The following CEP89 variants were observed in gnomAD, a reference collection of about 807,000 sequenced individuals.
CEP89 encodes the protein centrosomal protein 89.
A neutral mutation model predicts 97.6 loss-of-function variants in CEP89; 95 were observed. That is an observed-to-expected ratio of 0.97 (90% CI 0.82 to 1.15). The LOEUF (loss-of-function observed/expected upper bound fraction) is 1.15, where lower values mean the gene tolerates loss of function less well. CEP89 is among the 50% of genes most tolerant of loss of function. The pLI, the probability that CEP89 is intolerant of heterozygous loss-of-function variation, is 0.00. For missense variants in CEP89, 869 were observed against 947.7 expected (o/e 0.92, Z 1.09); for synonymous variants, 354 against 349.1 (o/e 1.01, Z -0.16).
intron 11 of CEP89, 70 bp downstream of exon 11, chr19:32,926,119 GT>G: frequency 9.1e-7 from 1 of 1,103,698 alleles, no homozygotes; most frequent in South Asian, 1.3e-5. Flanking sequence ...CATTCAAAAT[GT>G]TTTTATAAAA....
At chr19:32,926,315 T>C in intron 10 of CEP89, 42 bp from the exon 11 acceptor site, 1 of 1,406,786 alleles carries the variant, frequency 7.1e-7, no homozygotes, top group Admixed American at 1.9e-5. Context: ...ATTTCTTACA[T>C]CTAAACACAA....
intron 12 of CEP89, among the ~76,000 whole-genome samples, chr19:32,922,600 C>T (rs1483102357): frequency 6.6e-6 from 1 of 152,080 alleles, no homozygotes; most frequent in Non-Finnish European, 1.5e-5. Flanking sequence ...ATAATCCCAG[C>T]ACTTTGGGAG....
rs1196825119 is a variant in CEP89, at chr19:32,953,725, C to T, written c.382G>A (p.Asp128Asn). Reference sequence around the variant, plus strand: ...CTGGATGACAGCTGAGTTTCAATGTCCTCTTCGTCCCCATAGTCCAGTGTT... The same window carrying T: ...CTGGATGACAGCTGAGTTTCAATGTTCTCTTCGTCCCCATAGTCCAGTGTT... ...FETLDYGDEEDIETQLSSSGK... is the reference protein window; with the variant it reads ...FETLDYGDEENIETQLSSSGK... Residue 128 changes from aspartate (D) to asparagine (N), a missense_variant, in exon 4 of 19, where the codon GAC becomes AAC. Physicochemically the swap from Asp to Asn is conservative, Grantham distance 23. Coordinates refer to ENST00000305768, the MANE Select transcript of CEP89 (RefSeq NM_032816.5). 3 of 1,614,074 alleles carry T rather than the reference C, an allele frequency of 1.9e-6. No homozygotes were observed. Among genetic ancestry groups the T allele is most frequent in the Non-Finnish European group, 1.7e-6 (2 of 1,179,960 alleles).
At chr19:32,892,216 T>TATTTAGAC (rs1969540988) in intron 16 of CEP89, among the ~76,000 whole-genome samples, 1 of 49,860 alleles carries the variant, frequency 2.0e-5, no homozygotes, top group Non-Finnish European at 3.9e-5. Context: ...TATATATATA[T>TATTTAGAC]ATATATATAT....
intron 11 of CEP89, 37 bp from the exon 12 acceptor site, chr19:32,923,579 A>C (rs1316174209): frequency 7.3e-6 from 9 of 1,229,396 alleles, no homozygotes; most frequent in Non-Finnish European, 1.1e-5. Flanking sequence ...ACACACACAT[A>C]CCCACGCATC....
At chr19:32,944,062 T>TA (rs1315943289) in intron 5 of CEP89, among the ~76,000 whole-genome samples, 1 of 151,436 alleles carries the variant, frequency 6.6e-6, no homozygotes, top group Non-Finnish European at 1.5e-5. Flanking sequence ...ACCCTGTGTC[T>TA]AACAAAATAC....
chr19:32,920,043 AT>A (rs1333788172), intron 12 of CEP89, among the ~76,000 whole-genome samples: 1 of 151,522 alleles, frequency 6.6e-6, no homozygotes, highest in Non-Finnish European at 1.5e-5. Context: ...TTCACTTTTT[AT>A]TTTTTAGAAA....
intron 8 of CEP89, among the ~76,000 whole-genome samples, chr19:32,932,286 A>G (rs1305123165): frequency 6.6e-6 from 1 of 152,156 alleles, no homozygotes; most frequent in Non-Finnish European, 1.5e-5. Flanking sequence ...AAAACAAAAC[A>G]GAAAATAGAT....
At chr19:32,966,970 T>G (rs538387588) in intron 1 of CEP89, among the ~76,000 whole-genome samples, 55 of 152,280 alleles carry the variant, frequency 3.6e-4, no homozygotes, top group South Asian at 1.2e-3. Flanking sequence ...GGACTACAGA[T>G]GTTCACCACC....
At chr19:32,908,676 T>C (rs571945837) in intron 14 of CEP89, among the ~76,000 whole-genome samples, 7 of 152,292 alleles carry the variant, frequency 4.6e-5, no homozygotes, top group African/African-American at 1.7e-4. Context: ...AGAAGTGCCC[T>C]CCGACAGCCT....
intron 13 of CEP89, among the ~76,000 whole-genome samples, chr19:32,916,442 G>A (rs1970128712): frequency 2.0e-5 from 3 of 152,142 alleles, no homozygotes; most frequent in Admixed American, 1.3e-4. Context: ...TCACACCCAG[G>A]TGTGTAAGTA....
At chr19:32,951,542 C>CACACACACACAA (rs1211084933) in intron 4 of CEP89, among the ~76,000 whole-genome samples, 2 of 147,452 alleles carry the variant, frequency 1.4e-5, no homozygotes, top group African/African-American at 5.2e-5. Flanking sequence ...TATACACACA[C>CACACACACACAA]ACACACACAC....
chr19:32,943,157 C>T (rs574260140), intron 5 of CEP89, among the ~76,000 whole-genome samples: 1 of 152,268 alleles, frequency 6.6e-6, no homozygotes, highest in South Asian at 2.1e-4. Context: ...GCCATTATGC[C>T]GGCTAATTTT....
intron 16 of CEP89, among the ~76,000 whole-genome samples, chr19:32,898,962 C>A (rs1418625863): frequency 6.6e-6 from 1 of 151,016 alleles, no homozygotes; most frequent in Non-Finnish European, 1.5e-5. Context: ...ACATTCTATG[C>A]ACATTACAAA....
At position 32,890,695 on chromosome 19, in the gene CEP89, A is replaced by C. The variant is rs566971395; in HGVS notation, c.1876-2854T>G. On this transcript the variant is annotated intron_variant, in intron 16 of 18. Coordinates refer to ENST00000305768, the MANE Select transcript of CEP89 (RefSeq NM_032816.5). ...GAGATCCCCAGGGGTCCACATTCTCACCACACACTCCTGTGATCCCAGCCC... is the reference window on the plus strand; with the variant it reads ...GAGATCCCCAGGGGTCCACATTCTCCCCACACACTCCTGTGATCCCAGCCC... Among the ~76,000 whole-genome samples the C allele has an allele frequency of 8.5e-5, 13 of 152,072 alleles. No individual in the cohort carries two copies. In the South Asian group the frequency reaches 2.7e-3, roughly 32 times the overall value.
At chr19:32,921,293 T>G (rs1218280567) in intron 12 of CEP89, among the ~76,000 whole-genome samples, 2 of 151,788 alleles carry the variant, frequency 1.3e-5, no homozygotes. Flanking sequence ...GAGTGCTGCA[T>G]GCAGGTTTAG....
At chr19:32,915,300 GAAA>G (rs372853413) in intron 14 of CEP89, 34 bp downstream of exon 14, 167 of 1,224,876 alleles carry the variant, frequency 1.4e-4, no homozygotes, top group South Asian at 2.1e-4. Flanking sequence ...CTCGAAAAAA[GAAA>G]AAAAAAAAAA....
At chr19:32,930,558 G>T (rs1373939469) in intron 9 of CEP89, among the ~76,000 whole-genome samples, 7 of 152,104 alleles carry the variant, frequency 4.6e-5, no homozygotes, top group African/African-American at 1.7e-4. Flanking sequence ...AGCCATGGGA[G>T]AACACCGTGT....
At chr19:32,898,137 A>G (rs1969682147) in intron 16 of CEP89, among the ~76,000 whole-genome samples, 1 of 152,238 alleles carries the variant, frequency 6.6e-6, no homozygotes, top group South Asian at 2.1e-4. Context: ...CTAAGTGTCC[A>G]TCAATGGACA....
Sources: allele counts gnomAD v4.1 joint callset (sites outside exome capture counted in the v4.1 genomes callset), GRCh38; gene constraint gnomAD v4.1.1; transcripts MANE v1.5; gene names NCBI Gene and HGNC (gene_info 2026-07-23, HGNC 2026-07-21).